The following BBS9 variants were observed in gnomAD, a reference collection of about 807,000 sequenced individuals.
BBS9 encodes the protein Bardet-Biedl syndrome 9, also known as protein PTHB1.
A neutral mutation model predicts 117.7 loss-of-function variants in BBS9; 89 were observed. The ratio of observed to expected loss-of-function variants is 0.76; its 90% CI spans 0.64 to 0.90. The LOEUF (loss-of-function observed/expected upper bound fraction) is 0.90, where lower values mean the gene tolerates loss of function less well. Ranked by LOEUF, BBS9 falls within the 40% of genes least tolerant of loss-of-function variation. The pLI is 0.00. For missense variants in BBS9, 982 were observed against 1,042.2 expected, an observed-to-expected ratio of 0.94 and a Z score of 0.80; for synonymous variants, 379 against 370.9, an observed-to-expected ratio of 1.02 and a Z score of -0.25.
chr7:33,606,015 C>T lies in BBS9; in HGVS notation c.*789C>T, dbSNP rs572757477. On this transcript the variant is annotated 3_prime_UTR_variant, in exon 23 of 23. Coordinates refer to ENST00000242067, the MANE Select transcript of BBS9 (RefSeq NM_198428.3). ...AAAGAAACTTTGCTAATTTCAAGTT[C>T]GAATTACAGTTGTGAGATTGATTTA... is the stretch of plus-strand genomic sequence containing the variant. 1.3e-5 allele frequency: 2 copies of T among 150,930 alleles called. No individual in the cohort carries two copies. Among genetic ancestry groups the T allele is most frequent in the East Asian group, 1.9e-4 (1 of 5,188 alleles). The allele number at this position is 150,930 out of a possible 1,614,324, so 9.3% of individuals were successfully genotyped here.
At chr7:33,133,382 C>T (rs80170155) in intron 1 of BBS9, among the ~76,000 whole-genome samples, 2,112 of 152,220 alleles carry the variant, frequency 0.014, 54 homozygotes, top group African/African-American at 0.048. Context: ...AAAGAAACCT[C>T]GCATCCCTTA....
intron 19 of BBS9, among the ~76,000 whole-genome samples, chr7:33,434,507 G>T (rs1040101374): frequency 3.9e-5 from 6 of 152,004 alleles, no homozygotes; most frequent in African/African-American, 1.4e-4. Flanking sequence ...GATTTATATT[G>T]CTAGATCCTG....
In BBS9 at chr7:33,388,798, A is replaced by G. The variant is rs559844663; in HGVS notation, c.2115+654A>G. Among the ~76,000 whole-genome samples, 729 of 152,318 alleles carry G rather than the reference A, an allele frequency of 4.8e-3. 9 individuals carry two copies. Among genetic ancestry groups the G allele is most frequent in the African/African-American group, 0.017 (687 of 41,574 alleles). On this transcript the variant is annotated intron_variant, in intron 19 of 22. Coordinates refer to ENST00000242067, the MANE Select transcript of BBS9 (RefSeq NM_198428.3). ...AAAATAATTTTAAAAAATCATGAGA[A>G]GGCTTCTACCAGTTCTGTTATAATG...
At chr7:33,208,308 A>G (rs1194558313) in intron 5 of BBS9, among the ~76,000 whole-genome samples, 2 of 152,160 alleles carry the variant, frequency 1.3e-5, no homozygotes, top group Non-Finnish European at 2.9e-5. Context: ...GATTTTGACC[A>G]TTTCCCTATG....
At chr7:33,158,483 T>C (rs1794390784) in intron 4 of BBS9, among the ~76,000 whole-genome samples, 1 of 152,192 alleles carries the variant, frequency 6.6e-6, no homozygotes, top group South Asian at 2.1e-4. Context: ...AAATATTAGA[T>C]TCCCAAATAC....
chr7:33,173,803 C>A (rs1796952898), intron 4 of BBS9, among the ~76,000 whole-genome samples: 1 of 152,168 alleles, frequency 6.6e-6, no homozygotes, highest in East Asian at 1.9e-4. Flanking sequence ...GGAAGTTACT[C>A]AGTTCTTCAG....
chr7:33,353,357 A>G (rs1211065426), intron 15 of BBS9, among the ~76,000 whole-genome samples: 1 of 152,066 alleles, frequency 6.6e-6, no homozygotes, highest in Non-Finnish European at 1.5e-5. Context: ...TTTGTAGGGG[A>G]ATGTTATCAA....
intron 19 of BBS9, among the ~76,000 whole-genome samples, chr7:33,469,380 G>A (rs993768269): frequency 6.6e-6 from 1 of 152,084 alleles, no homozygotes; most frequent in African/African-American, 2.4e-5. Flanking sequence ...TGGACAATGA[G>A]TTCATGGACT....
chr7:33,467,827 A>G lies in BBS9; in HGVS notation c.2116-37636A>G, dbSNP rs547454459. ...GGGGTGCCTAGGTGAAACACTGGTG[A>G]GGAGAAAATGTGACACTTTTTGTTC... On this transcript the variant is annotated intron_variant, in intron 19 of 22. Coordinates refer to ENST00000242067, the MANE Select transcript of BBS9 (RefSeq NM_198428.3). Among the ~76,000 whole-genome samples the G allele has an allele frequency of 1.9e-3, 282 of 145,706 alleles. 3 individuals carry two copies. Among genetic ancestry groups the G allele is most frequent in the African/African-American group, 6.4e-3 (266 of 41,390 alleles).
chr7:33,551,684 A>T (rs954446930), intron 21 of BBS9, among the ~76,000 whole-genome samples: 1 of 152,162 alleles, frequency 6.6e-6, no homozygotes, highest in African/African-American at 2.4e-5. Flanking sequence ...GGAATTTATT[A>T]TGTTCTGGCA....
chr7:33,412,895 A>G (rs576545871), intron 19 of BBS9, among the ~76,000 whole-genome samples: 1 of 152,338 alleles, frequency 6.6e-6, no homozygotes, highest in South Asian at 2.1e-4. Context: ...CTAGCTTGAT[A>G]CCATTCTTCC....
At chr7:33,508,481 C>G (rs963520905) in intron 20 of BBS9, among the ~76,000 whole-genome samples, 8 of 152,202 alleles carry the variant, frequency 5.3e-5, no homozygotes, top group Non-Finnish European at 1.0e-4. Flanking sequence ...CTTGTAGTTG[C>G]TTTGAGTCTC....
chr7:33,589,088 C>T (rs1490444213), intron 21 of BBS9, among the ~76,000 whole-genome samples: 1 of 152,050 alleles, frequency 6.6e-6, no homozygotes, highest in Non-Finnish European at 1.5e-5. Context: ...AATGGGCAGT[C>T]CAGTTTAAGG....
intron 19 of BBS9, among the ~76,000 whole-genome samples, chr7:33,466,051 T>A (rs1235875110): frequency 6.6e-6 from 1 of 150,912 alleles, no homozygotes; most frequent in East Asian, 1.9e-4. Flanking sequence ...GTATATAACA[T>A]TTTTTGAGAG....
chr7:33,490,459 A>G (rs2128992962), intron 19 of BBS9, among the ~76,000 whole-genome samples: 2 of 152,230 alleles, frequency 1.3e-5, no homozygotes, highest in South Asian at 4.1e-4. Context: ...TCTCATCTGT[A>G]TTAGAATTAT....
intron 2 of BBS9, among the ~76,000 whole-genome samples, chr7:33,152,295 A>G (rs562052611): frequency 1.6e-4 from 25 of 152,120 alleles, no homozygotes; most frequent in Non-Finnish European, 2.8e-4. Flanking sequence ...CTATCTAGTG[A>G]CGACTCAGAA....
At chr7:33,252,040 G>T (rs993212761) in intron 5 of BBS9, among the ~76,000 whole-genome samples, 1 of 152,088 alleles carries the variant, frequency 6.6e-6, no homozygotes, top group East Asian at 1.9e-4. Context: ...TTGGCTTCTG[G>T]GGAGGCCTCA....
At chr7:33,273,788 G>T in intron 8 of BBS9, 39 bp from the exon 9 acceptor site, 1 of 1,587,528 alleles carries the variant, frequency 6.3e-7, no homozygotes, top group African/African-American at 1.3e-5. Context: ...CCAAATGACT[G>T]TTTTCTTAGT....
chr7:33,309,822 G>A (rs536129678), intron 9 of BBS9, among the ~76,000 whole-genome samples: 1 of 152,342 alleles, frequency 6.6e-6, no homozygotes, highest in African/African-American at 2.4e-5. Flanking sequence ...TGTCAGTGCA[G>A]AATTAGTAGC....
Sources: allele counts gnomAD v4.1 joint callset (sites outside exome capture counted in the v4.1 genomes callset), GRCh38; gene constraint gnomAD v4.1.1; transcripts MANE v1.5; gene names NCBI Gene and HGNC (gene_info 2026-07-23, HGNC 2026-07-21).